The following KIZ variants were observed in gnomAD, a reference collection of about 807,000 sequenced individuals.
KIZ encodes the protein kizuna centrosomal protein.
Under a neutral mutation model 79.6 loss-of-function variants are expected in KIZ, and 68 were observed. The observed-to-expected ratio is 0.85, with a 90% confidence interval of 0.70 to 1.05. KIZ has a LOEUF of 1.05. KIZ is among the 50% of genes least tolerant of loss of function. The pLI is 0.00. For missense variants in KIZ, 797 were observed against 800.4 expected (o/e 1.00, Z 0.05); for synonymous variants, 280 against 281.8 (o/e 0.99, Z 0.06).
In KIZ at chr20:21,163,177, T is replaced by G; in HGVS notation, c.1352+18T>G. On this transcript the variant is annotated intron_variant, in intron 6 of 12. Coordinates refer to ENST00000619189, the MANE Select transcript of KIZ (RefSeq NM_018474.6). ...ACAAGAGAGTAAGCCATTCAATTTT[T>G]TTTTTCTACTGTTCTGTTTTTAATT... The G allele has an allele frequency of 6.4e-7, 1 of 1,550,922 alleles. No homozygotes were observed. Among genetic ancestry groups the G allele is most frequent in the Non-Finnish European group, 8.8e-7 (1 of 1,139,294 alleles).
rs780724084 is a variant in KIZ at position 21,205,533 on chromosome 20, G to T, written c.1395G>T (p.Val465=). ...TPDSDVPRAQ[V]GQHVATLKEH... Reference sequence around the variant, plus strand: ...ACTCAGACGTACCGAGGGCACAGGTGGGTCAGCATGTTGCCACCTTGAAAG... The same window carrying T: ...ACTCAGACGTACCGAGGGCACAGGTTGGTCAGCATGTTGCCACCTTGAAAG... The change falls in exon 7 of 13, where the codon GTG becomes GTT. Residue 465 remains valine (V), a synonymous_variant. Transcript: ENST00000619189. 6.4e-7 allele frequency: 1 copy of T among 1,571,932 alleles called. No individual in the cohort carries two copies. Among genetic ancestry groups the T allele is most frequent in the East Asian group, 2.3e-5 (1 of 43,622 alleles).
intron 6 of KIZ, among the ~76,000 whole-genome samples, chr20:21,181,648 G>A (rs1389477622): frequency 6.6e-6 from 1 of 152,084 alleles, no homozygotes; most frequent in South Asian, 2.1e-4. Flanking sequence ...TAGTAGGGAT[G>A]TGGTTTTACC....
rs892481683 is a variant in KIZ, at chr20:21,169,849, T to C, written c.1352+6690T>C. 9.2e-5 allele frequency among the ~76,000 whole-genome samples: 14 copies of C among 152,368 alleles called. No homozygotes were observed. In the South Asian group the frequency reaches 1.2e-3, roughly 14 times the overall value. On this transcript the variant is annotated intron_variant, in intron 6 of 12. Transcript: ENST00000619189. ...AAGTAGTATTATCAGGTTGGCTTTT[T>C]TCACTTAGTAATGTATATTTAAGGT...
chr20:21,200,748 C>T (rs1358792004), intron 6 of KIZ, among the ~76,000 whole-genome samples: 1 of 152,132 alleles, frequency 6.6e-6, no homozygotes, highest in African/African-American at 2.4e-5. Context: ...AGTACCAGTC[C>T]TTGGCCCAGG....
chr20:21,163,770 G>A (rs559523841), intron 6 of KIZ, among the ~76,000 whole-genome samples: 1 of 152,258 alleles, frequency 6.6e-6, no homozygotes, highest in South Asian at 2.1e-4. Context: ...TATATTATCC[G>A]ACTGATAAAA....
intron 7 of KIZ, among the ~76,000 whole-genome samples, chr20:21,212,936 A>G (rs1163678518): frequency 1.3e-5 from 2 of 152,224 alleles, no homozygotes; most frequent in African/African-American, 4.8e-5. Flanking sequence ...CAACAGAGTT[A>G]TCACAGTGGA....
At chr20:21,196,785 CACTTGAATCTTGTGTG>C (rs1251739602) in intron 6 of KIZ, 1 of 152,158 alleles carries the variant, frequency 6.6e-6, no homozygotes, top group Non-Finnish European at 1.5e-5. Flanking sequence ...TCAGGAATAG[CACTTGAATCTTGTGTG>C]CCTGTTATTA....
At chr20:21,189,298 G>C (rs1318503344) in intron 6 of KIZ, among the ~76,000 whole-genome samples, 1 of 152,108 alleles carries the variant, frequency 6.6e-6, no homozygotes, top group African/African-American at 2.4e-5. Flanking sequence ...GAAAAAAACA[G>C]AACCCCTATT....
intron 6 of KIZ, among the ~76,000 whole-genome samples, chr20:21,174,737 TGGTTTCTCAA>T (rs776682748): frequency 5.1e-4 from 78 of 152,316 alleles, no homozygotes; most frequent in Non-Finnish European, 9.6e-4. Context: ...ATGAAAGCCT[TGGTTTCTCAA>T]GGTCATAAAA....
At chr20:21,220,993 C>A (rs952658533) in intron 9 of KIZ, among the ~76,000 whole-genome samples, 1 of 152,084 alleles carries the variant, frequency 6.6e-6, no homozygotes, top group Non-Finnish European at 1.5e-5. Context: ...GAGAGGCAGG[C>A]CTTTTATAAA....
intron 6 of KIZ, chr20:21,194,174 G>A (rs775829002): frequency 2.6e-5 from 4 of 152,186 alleles, no homozygotes; most frequent in Admixed American, 6.5e-5. Context: ...TTTAACTGTC[G>A]TTGGATAAGA....
At chr20:21,191,894 G>A (rs191518181) in intron 6 of KIZ, among the ~76,000 whole-genome samples, 1 of 151,802 alleles carries the variant, frequency 6.6e-6, no homozygotes, top group East Asian at 1.9e-4. Flanking sequence ...AACAGTAAAA[G>A]GAGTTTAGTG....
intron 7 of KIZ, among the ~76,000 whole-genome samples, chr20:21,210,923 C>T (rs1371035850): frequency 6.6e-6 from 1 of 151,820 alleles, no homozygotes; most frequent in Non-Finnish European, 1.5e-5. Flanking sequence ...GTTCTTTGCT[C>T]ATTTTTGTAT....
chr20:21,155,536 A>G (rs1600400037), intron 4 of KIZ, among the ~76,000 whole-genome samples: 1 of 152,070 alleles, frequency 6.6e-6, no homozygotes, highest in Non-Finnish European at 1.5e-5. Flanking sequence ...ACTGGGGAGG[A>G]TGGGGAGTTA....
intron 6 of KIZ, among the ~76,000 whole-genome samples, chr20:21,170,307 C>A (rs745307032): frequency 3.3e-5 from 5 of 151,966 alleles, no homozygotes; most frequent in African/African-American, 4.8e-5. Flanking sequence ...TCCAGTTATA[C>A]TCTTTTGGTT....
chr20:21,161,878 T>C lies in KIZ; in HGVS notation c.413T>C (p.Val138Ala), dbSNP rs2033676253. 1 of 1,610,516 alleles carries C rather than the reference T, an allele frequency of 6.2e-7. No homozygotes were observed. Among genetic ancestry groups the C allele is most frequent in the African/African-American group, 1.3e-5 (1 of 74,748 alleles). ...TCTCTTTTGGTGTTGCAGGTTGCAG[T>C]GCACGAGGGGATTAACTCAGGAACA... ...LTDEDREKVA[V>A]HEGINSGTAM... is the part of the protein sequence containing the mutation. Residue 138 changes from valine (V) to alanine (A), a missense_variant, in exon 5 of 13, where the codon GTG becomes GCG. Val to Ala is a moderately conservative substitution (Grantham distance 64). Transcript: ENST00000619189.
chr20:21,219,177 TACCAGG>T (rs2036413605), intron 9 of KIZ, among the ~76,000 whole-genome samples: 1 of 70,092 alleles, frequency 1.4e-5, no homozygotes, highest in African/African-American at 5.4e-5. Flanking sequence ...AGCTGCCATA[TACCAGG>T]TAGAATATTT....
chr20:21,236,928 A>T (rs1405408679), intron 11 of KIZ, among the ~76,000 whole-genome samples: 1 of 151,138 alleles, frequency 6.6e-6, no homozygotes, highest in Admixed American at 6.6e-5. Flanking sequence ...TAAACCTGGG[A>T]GGCAGAACTT....
intron 6 of KIZ, among the ~76,000 whole-genome samples, chr20:21,170,700 A>G (rs1314886393): frequency 3.3e-5 from 5 of 151,894 alleles, no homozygotes; most frequent in African/African-American, 7.3e-5. Context: ...CAAATACTAG[A>G]TCTTATTCGT....
Sources: allele counts gnomAD v4.1 joint callset (sites outside exome capture counted in the v4.1 genomes callset), GRCh38; gene constraint gnomAD v4.1.1; transcripts MANE v1.5; gene names NCBI Gene and HGNC (gene_info 2026-07-23, HGNC 2026-07-21).